MACROH2A1: variants seen among roughly 807,000 people sequenced by gnomAD.
MACROH2A1 encodes macroH2A.1 histone.
MACROH2A1 carries 2 observed loss-of-function variants against 31.6 expected under a neutral mutation model. The observed-to-expected ratio is 0.06, with a 90% CI of 0.03 to 0.20. MACROH2A1 has a LOEUF of 0.20. Among genes scored for constraint, MACROH2A1 ranks in the 10% least tolerant of loss-of-function variants. The pLI is 1.00. For synonymous variants in MACROH2A1, 169 were observed against 189.6 expected (o/e 0.89, Z 0.89); for missense variants, 230 against 474.0 (o/e 0.49, Z 4.78).
At chr5:135,396,357 G>T (rs2150001189) in intron 1 of MACROH2A1, among the ~76,000 whole-genome samples, 1 of 152,268 alleles carries the variant, frequency 6.6e-6, no homozygotes, top group Admixed American at 6.5e-5. Context: ...ACCTGATCCT[G>T]TCTCTCTCCT....
At chr5:135,350,555 T>C (rs1761398679) in intron 6 of MACROH2A1, 1 of 421,356 alleles carries the variant, frequency 2.4e-6, no homozygotes, top group African/African-American at 2.0e-5. Flanking sequence ...AAGCTGTGCC[T>C]TGTGGGGCAG....
At chr5:135,359,980 A>G in intron 5 of MACROH2A1, 1 of 802,452 alleles carries the variant, frequency 1.2e-6, no homozygotes, top group Non-Finnish European at 1.5e-6. Flanking sequence ...CAAACAAACA[A>G]TTAGCTGGAA....
chr5:135,381,104 G>A (rs1371174354), intron 2 of MACROH2A1, among the ~76,000 whole-genome samples: 2 of 152,194 alleles, frequency 1.3e-5, no homozygotes, highest in African/African-American at 4.8e-5. Flanking sequence ...TCTGATAAAG[G>A]TGGCATCTCA....
At chr5:135,397,857 T>TA (rs1259093304) in intron 1 of MACROH2A1, among the ~76,000 whole-genome samples, 1 of 151,992 alleles carries the variant, frequency 6.6e-6, no homozygotes, top group African/African-American at 2.4e-5. Context: ...CTAAGACTGT[T>TA]AAAAAATGCC....
At chr5:135,359,523 A>G (rs1402081487) in intron 5 of MACROH2A1, 1 of 984,842 alleles carries the variant, frequency 1.0e-6, no homozygotes. Context: ...TGGAACACAG[A>G]GTCCACCACA....
Position 135,369,559 on chromosome 5 carries a change from G to A in MACROH2A1, c.324C>T (p.Asn108=). ...TCTTCGCTAGCAACTCGGGGTGGATGTTGGGTAACACACCCCCACTGGCTA... is the reference window on the plus strand; with the variant it reads ...TCTTCGCTAGCAACTCGGGGTGGATATTGGGTAACACACCCCCACTGGCTA... The part of the protein sequence containing the change: ...VTIASGGVLP[N]IHPELLAKKR... Residue 108 remains asparagine, a synonymous_variant, in exon 4 of 9, where the codon AAC becomes AAT. Transcript: ENST00000511689. The surrounding 1 kb of genome is among the most constrained non-coding windows in gnomAD (Gnocchi z 4.3). The A allele has an allele frequency of 6.2e-7, 1 of 1,614,068 alleles. No homozygotes were observed. Among genetic ancestry groups the A allele is most frequent in the Non-Finnish European group, 8.5e-7 (1 of 1,179,942 alleles).
At chr5:135,380,626 C>G (rs1033887474) in intron 2 of MACROH2A1, among the ~76,000 whole-genome samples, 4 of 152,266 alleles carry the variant, frequency 2.6e-5, no homozygotes, top group Admixed American at 6.5e-5. Flanking sequence ...TCGAGGTTAG[C>G]TGAGGGGTCT....
intron 4 of MACROH2A1, among the ~76,000 whole-genome samples, chr5:135,365,189 CTT>C (rs1352482501): frequency 6.6e-6 from 1 of 152,162 alleles, no homozygotes; most frequent in African/African-American, 2.4e-5. Context: ...CATTTGGAAT[CTT>C]TATCTTGAGT....
At chr5:135,358,923 G>A in intron 5 of MACROH2A1, 1 of 985,374 alleles carries the variant, frequency 1.0e-6, no homozygotes, top group Non-Finnish European at 1.2e-6. Context: ...GGAGAAGCTA[G>A]CAAGATGTCT....
At position 135,369,332 on chromosome 5, in the gene MACROH2A1, G is replaced by C. The variant is rs1204962764; in HGVS notation, c.477+74C>G. On this transcript the variant is annotated intron_variant, in intron 4 of 8. Transcript: ENST00000511689. This position sits in a 1 kb window ranked among gnomAD's most constrained non-coding sequence, Gnocchi z 4.3. The stretch of plus-strand genomic sequence containing the variant: ...GGGATGAGCCCACAGGGGGAATGAG[G>C]GGGGTGCCCTGGTAACCCTGTTTAT... 2.5e-6 allele frequency: 3 copies of C among 1,211,292 alleles called. No homozygotes were observed. The highest frequency in any genetic ancestry group is 3.7e-6 in the Non-Finnish European group (3 of 817,740). The allele number at this position is 1,211,292 out of a possible 1,614,324, so 75.0% of individuals were successfully genotyped here.
chr5:135,355,160 C>T (rs750837174), intron 5 of MACROH2A1: 20 of 455,924 alleles, frequency 4.4e-5, no homozygotes, highest in African/African-American at 2.8e-4. Flanking sequence ...TGACTCTCTT[C>T]GCGGGAGAAC....
intron 6 of MACROH2A1, 140 bp from the exon 7 acceptor site, chr5:135,346,197 A>G: frequency 1.6e-6 from 1 of 644,074 alleles, no homozygotes; most frequent in East Asian, 2.7e-5. Context: ...AGCCTTGGCT[A>G]AGTTAATAAA....
Position 135,388,980 on chromosome 5 carries a change from C to T in MACROH2A1, c.114G>A (p.Lys38=), listed in dbSNP as rs1766815780. ...MLRYIKKGHP[K]YRIGVGAPVY... is the part of the protein sequence containing the mutation. ...CGGGTGCCCCCACTCCAATCCTGTA[C>T]TTGGGGTGGCCTTTCTTGATGTACC... The change falls in exon 2 of 9, where the codon AAG becomes AAA. Residue 38 remains lysine, a synonymous_variant. Transcript: ENST00000511689. 9 of 1,613,846 alleles carry T rather than the reference C, an allele frequency of 5.6e-6. No homozygotes were observed. The highest frequency in any genetic ancestry group is 7.6e-6 in the Non-Finnish European group (9 of 1,179,774).
At chr5:135,361,180 T>A (rs1762803775) in intron 4 of MACROH2A1, 2 of 172,962 alleles carry the variant, frequency 1.2e-5, no homozygotes, top group Admixed American at 5.8e-5. Context: ...GGCTTGGTCT[T>A]CAGCTTCTTC....
At chr5:135,386,604 A>G (rs577214818) in intron 2 of MACROH2A1, among the ~76,000 whole-genome samples, 4 of 152,226 alleles carry the variant, frequency 2.6e-5, no homozygotes, top group South Asian at 2.1e-4. Flanking sequence ...CACACCCACA[A>G]TAGCTGGGGA....
intron 4 of MACROH2A1, among the ~76,000 whole-genome samples, chr5:135,365,091 A>G (rs575697405): frequency 6.6e-6 from 1 of 152,348 alleles, no homozygotes; most frequent in East Asian, 1.9e-4. Context: ...AAGTTATCCT[A>G]TGATTCTTAG....
chr5:135,394,934 C>T (rs1292456221), intron 1 of MACROH2A1, among the ~76,000 whole-genome samples: 1 of 152,216 alleles, frequency 6.6e-6, no homozygotes, highest in Non-Finnish European at 1.5e-5. Context: ...GGACTGGGAG[C>T]TATGGCTAGT....
At chr5:135,392,215 A>G (rs533608661) in intron 1 of MACROH2A1, among the ~76,000 whole-genome samples, 2 of 152,256 alleles carry the variant, frequency 1.3e-5, no homozygotes, top group East Asian at 3.9e-4. Context: ...TTCCCATAGT[A>G]TATATATCCC....
At chr5:135,359,941 G>T in intron 5 of MACROH2A1, 1 of 979,218 alleles carries the variant, frequency 1.0e-6, no homozygotes, top group Non-Finnish European at 1.2e-6. Flanking sequence ...TCACTGGGGC[G>T]GCTGAAAATA....
Sources: allele counts gnomAD v4.1 joint callset (sites outside exome capture counted in the v4.1 genomes callset), GRCh38; gene constraint gnomAD v4.1.1; non-coding constraint Gnocchi (gnomAD v3.1); transcripts MANE v1.5; gene names NCBI Gene and HGNC (gene_info 2026-07-23, HGNC 2026-07-21).